Variants in ZNRF3 observed in about 807,000 individuals in gnomAD.
ZNRF3 encodes the protein E3 ubiquitin-protein ligase ZNRF3.
A neutral mutation model predicts 72.5 loss-of-function variants in ZNRF3; 23 were observed. The ratio of observed to expected loss-of-function variants is 0.32; its 90% CI spans 0.23 to 0.45. ZNRF3 has a LOEUF of 0.45. ZNRF3 is among the 20% of genes least tolerant of loss of function. ZNRF3 has a pLI of 1.00. For synonymous variants in ZNRF3, 610 were observed against 545.3 expected (o/e 1.12, Z -1.65); for missense variants, 1,169 against 1,272.1 (o/e 0.92, Z 1.23).
intron 1 of ZNRF3, among the ~76,000 whole-genome samples, chr22:28,890,948 G>C (rs1238740334): frequency 1.3e-5 from 2 of 151,904 alleles, no homozygotes; most frequent in African/African-American, 4.8e-5. Context: ...GTAGGTATAG[G>C]GTCTCGTTAT....
chr22:28,963,477 G>GA (rs371689274), intron 1 of ZNRF3, among the ~76,000 whole-genome samples: 140 of 152,116 alleles, frequency 9.2e-4, no homozygotes, highest in African/African-American at 3.1e-3. Flanking sequence ...GGTAGGGAGG[G>GA]AAAAAAACCA....
intron 2 of ZNRF3, among the ~76,000 whole-genome samples, chr22:29,019,280 G>A (rs1194636429): frequency 6.6e-6 from 1 of 152,066 alleles, no homozygotes; most frequent in Non-Finnish European, 1.5e-5. Flanking sequence ...TTGATGGGAG[G>A]AATCATAAAA....
chr22:29,038,613 G>A (rs993300976), intron 2 of ZNRF3, among the ~76,000 whole-genome samples: 5 of 152,132 alleles, frequency 3.3e-5, no homozygotes, highest in African/African-American at 4.8e-5. Flanking sequence ...TTACAGGCAT[G>A]AGCCACTGCA....
intron 1 of ZNRF3, among the ~76,000 whole-genome samples, chr22:28,953,569 A>C (rs2035204199): frequency 6.6e-6 from 1 of 152,210 alleles, no homozygotes; most frequent in African/African-American, 2.4e-5. Flanking sequence ...AAAGAACATG[A>C]AAGGGACTTT....
At chr22:28,936,586 G>GAGTA (rs1601578895) in intron 1 of ZNRF3, among the ~76,000 whole-genome samples, 2 of 152,248 alleles carry the variant, frequency 1.3e-5, no homozygotes, top group East Asian at 3.9e-4. Context: ...GAAGTGCCCT[G>GAGTA]AGTAGCTACT....
At chr22:28,967,406 C>T (rs1188966149) in intron 1 of ZNRF3, among the ~76,000 whole-genome samples, 6 of 152,218 alleles carry the variant, frequency 3.9e-5, no homozygotes, top group East Asian at 3.9e-4. Flanking sequence ...GTGACAAAAT[C>T]GCCTAATATT....
At chr22:28,926,955 C>G (rs1054493571) in intron 1 of ZNRF3, among the ~76,000 whole-genome samples, 1 of 151,526 alleles carries the variant, frequency 6.6e-6, no homozygotes, top group African/African-American at 2.4e-5. Flanking sequence ...AACCCTGTCT[C>G]TACTAAAAAT....
In ZNRF3 at chr22:29,050,965, G is replaced by A. The variant is rs1012835262; in HGVS notation, c.2767+17G>A. On this transcript the variant is annotated intron_variant, in intron 8 of 8. Transcript: ENST00000544604. Reference sequence around the variant, plus strand: ...AGGCTGCAGGTGAGAGCAGGAAATGGCAGTAGGTCAGAGCAGGAGTTTCCA... The same window carrying A: ...AGGCTGCAGGTGAGAGCAGGAAATGACAGTAGGTCAGAGCAGGAGTTTCCA... The A allele has an allele frequency of 6.7e-7, 1 of 1,502,274 alleles. No individual in the cohort carries two copies. The highest frequency in any genetic ancestry group is 8.8e-7 in the Non-Finnish European group (1 of 1,133,350). The allele number at this position is 1,502,274 out of a possible 1,614,324, so 93.1% of individuals were successfully genotyped here. A position where few individuals can be genotyped will look rare whatever the true frequency, so the allele number is the denominator to read the frequency against.
At chr22:28,984,371 C>T (rs1181145129) in intron 1 of ZNRF3, among the ~76,000 whole-genome samples, 3 of 152,132 alleles carry the variant, frequency 2.0e-5, no homozygotes, top group African/African-American at 4.8e-5. Flanking sequence ...ATGGTTTTGC[C>T]TCTTCTGGAC....
intron 2 of ZNRF3, among the ~76,000 whole-genome samples, chr22:29,037,452 C>T (rs542791488): frequency 7.9e-5 from 12 of 152,212 alleles, no homozygotes; most frequent in African/African-American, 2.9e-4. Flanking sequence ...ACATAACATT[C>T]ACAGTCAGGG....
intron 2 of ZNRF3, chr22:29,026,702 A>G (rs1346632878): frequency 6.6e-6 from 1 of 152,152 alleles, no homozygotes; most frequent in Admixed American, 6.5e-5. Flanking sequence ...CCCCGTATAA[A>G]TGGTTGCTCT....
intron 1 of ZNRF3, among the ~76,000 whole-genome samples, chr22:28,963,045 C>T (rs2035392852): frequency 6.6e-6 from 1 of 152,180 alleles, no homozygotes; most frequent in South Asian, 2.1e-4. Flanking sequence ...GAGTGTGCTA[C>T]CAAAGGCAAA....
At chr22:28,884,847 G>A (rs1391407601) in intron 1 of ZNRF3, among the ~76,000 whole-genome samples, 1 of 152,174 alleles carries the variant, frequency 6.6e-6, no homozygotes, top group African/African-American at 2.4e-5. Context: ...AACTGGCTAG[G>A]GAGACCTTTA....
At chr22:28,978,448 G>A (rs1382117831) in intron 1 of ZNRF3, among the ~76,000 whole-genome samples, 1 of 152,152 alleles carries the variant, frequency 6.6e-6, no homozygotes, top group Non-Finnish European at 1.5e-5. Context: ...CAGAACAGCC[G>A]TCTCAGACGA....
intron 2 of ZNRF3, among the ~76,000 whole-genome samples, chr22:28,990,697 A>G (rs963304975): frequency 1.3e-5 from 2 of 152,232 alleles, no homozygotes; most frequent in Admixed American, 6.5e-5. Flanking sequence ...TCAGTCAATC[A>G]GTCAATCAAT....
At chr22:29,044,692 C>A (rs756376647) in intron 4 of ZNRF3, 88 bp from the exon 5 acceptor site, 7 of 916,932 alleles carry the variant, frequency 7.6e-6, no homozygotes, top group African/African-American at 1.6e-5. Context: ...GTCACCCCAT[C>A]TTTATCCTGA....
intron 2 of ZNRF3, among the ~76,000 whole-genome samples, chr22:29,011,368 G>T (rs1027629850): frequency 6.6e-6 from 1 of 152,178 alleles, no homozygotes; most frequent in Non-Finnish European, 1.5e-5. Flanking sequence ...CGTCTCCGTG[G>T]CCAGCTGCCA....
intron 1 of ZNRF3, among the ~76,000 whole-genome samples, chr22:28,906,784 G>A (rs1458374422): frequency 6.6e-6 from 1 of 152,106 alleles, no homozygotes; most frequent in East Asian, 1.9e-4. Flanking sequence ...CACTGGCTTG[G>A]ATTTTTATTT....
intron 2 of ZNRF3, among the ~76,000 whole-genome samples, chr22:28,998,419 T>A (rs1271976001): frequency 2.0e-5 from 3 of 151,758 alleles, no homozygotes; most frequent in Non-Finnish European, 4.4e-5. Flanking sequence ...GCAAGATGGG[T>A]TTCTTGTTGA....
Sources: allele counts gnomAD v4.1 joint callset (sites outside exome capture counted in the v4.1 genomes callset), GRCh38; gene constraint gnomAD v4.1.1; transcripts MANE v1.5; gene names NCBI Gene and HGNC (gene_info 2026-07-23, HGNC 2026-07-21).